The following RALYL variants were observed in gnomAD, a reference collection of about 807,000 sequenced individuals.
RALYL encodes RNA-binding Raly-like protein.
Under a neutral mutation model 35.1 loss-of-function variants are expected in RALYL, and 29 were observed. That is an observed-to-expected ratio of 0.83 (90% CI 0.61 to 1.13). RALYL has a LOEUF of 1.13. Among genes scored for constraint, RALYL ranks in the 50% most tolerant of loss-of-function variants. The probability of loss-of-function intolerance (pLI) is 0.00; values close to 1 mark genes in which losing one functional copy is unlikely to be tolerated. For missense variants in RALYL, 359 were observed against 360.4 expected (o/e 1.00, Z 0.03); for synonymous variants, 120 against 127.6 (o/e 0.94, Z 0.40).
At chr8:84,760,533 G>C (rs1812440420) in intron 2 of RALYL, among the ~76,000 whole-genome samples, 1 of 151,992 alleles carries the variant, frequency 6.6e-6, no homozygotes, top group East Asian at 1.9e-4. Context: ...TATTTCCACA[G>C]AATCTATCTC....
At chr8:84,652,550 A>G (rs919549280) in intron 2 of RALYL, among the ~76,000 whole-genome samples, 2 of 151,432 alleles carry the variant, frequency 1.3e-5, no homozygotes, top group Non-Finnish European at 2.9e-5. Flanking sequence ...CTGTGCTTAG[A>G]TCCCATTTTT....
chr8:84,437,673 G>C (rs2047890047), intron 1 of RALYL, among the ~76,000 whole-genome samples: 1 of 152,098 alleles, frequency 6.6e-6, no homozygotes, highest in Non-Finnish European at 1.5e-5. Context: ...AGTGCTGGAG[G>C]TGGGGCCAGG....
At position 84,475,448 on chromosome 8, in the gene RALYL, T is replaced by A. The variant is rs1277033251; in HGVS notation, c.-23-53851T>A. ...TTGCCCAGGCTGTTTAAACAACTTA[T>A]TTTTAGAGACATTTAAAAATATATA... On this transcript the variant is annotated intron_variant, in intron 1 of 8. Transcript: ENST00000521268. Among the ~76,000 whole-genome samples, 10 of 152,286 alleles carry A rather than the reference T, an allele frequency of 6.6e-5. No individual in the cohort carries two copies. In the East Asian group the frequency reaches 1.9e-3, roughly 29 times the overall value.
chr8:84,221,876 C>A (rs950296083), intron 1 of RALYL, among the ~76,000 whole-genome samples: 1 of 152,044 alleles, frequency 6.6e-6, no homozygotes, highest in African/African-American at 2.4e-5. Context: ...CTAGAGTCTG[C>A]TAGTCTAATT....
At chr8:84,439,052 A>T (rs1020353053) in intron 1 of RALYL, among the ~76,000 whole-genome samples, 1 of 151,424 alleles carries the variant, frequency 6.6e-6, no homozygotes, top group Non-Finnish European at 1.5e-5. Context: ...TTTGCTTAGG[A>T]TTGCTTTCGT....
chr8:84,241,046 A>G (rs999968633), intron 1 of RALYL, among the ~76,000 whole-genome samples: 2 of 152,018 alleles, frequency 1.3e-5, no homozygotes, highest in East Asian at 3.9e-4. Flanking sequence ...AAATATATAT[A>G]CTTATATATA....
chr8:84,629,148 T>C (rs1205606522), intron 2 of RALYL, among the ~76,000 whole-genome samples: 1 of 152,070 alleles, frequency 6.6e-6, no homozygotes, highest in Non-Finnish European at 1.5e-5. Context: ...CTGTTGTGCA[T>C]ATCACCTTCT....
intron 1 of RALYL, among the ~76,000 whole-genome samples, chr8:84,292,446 G>A (rs566329410): frequency 4.7e-4 from 71 of 152,230 alleles, no homozygotes; most frequent in African/African-American, 1.5e-3. Flanking sequence ...GTGAACCAGA[G>A]CAACTCCCTC....
At chr8:84,451,057 A>C (rs2049416851) in intron 1 of RALYL, among the ~76,000 whole-genome samples, 1 of 152,010 alleles carries the variant, frequency 6.6e-6, no homozygotes, top group Non-Finnish European at 1.5e-5. Flanking sequence ...ATTAAGTAAG[A>C]ATATTTCAAG....
intron 2 of RALYL, among the ~76,000 whole-genome samples, chr8:84,643,788 G>A (rs1478348117): frequency 2.6e-5 from 4 of 152,038 alleles, no homozygotes; most frequent in East Asian, 1.9e-4. Context: ...CACTTCATAC[G>A]TTAGGGATAG....
At chr8:84,247,474 G>A (rs1274975942) in intron 1 of RALYL, among the ~76,000 whole-genome samples, 1 of 150,902 alleles carries the variant, frequency 6.6e-6, no homozygotes, top group Admixed American at 6.6e-5. Context: ...CAAATATTAG[G>A]TTTTCTTGAA....
At chr8:84,543,539 A>AT (rs1262849939) in intron 2 of RALYL, among the ~76,000 whole-genome samples, 1 of 151,982 alleles carries the variant, frequency 6.6e-6, no homozygotes, top group East Asian at 1.9e-4. Context: ...GTTTCCTAGT[A>AT]TTTTCTAAAG....
chr8:84,341,472 C>A (rs1305634100), intron 1 of RALYL, among the ~76,000 whole-genome samples: 2 of 151,836 alleles, frequency 1.3e-5, no homozygotes, highest in Non-Finnish European at 2.9e-5. Context: ...GCCCCTGATA[C>A]ATAGTAAATA....
intron 2 of RALYL, among the ~76,000 whole-genome samples, chr8:84,759,893 T>A (rs1281535869): frequency 1.3e-5 from 2 of 152,176 alleles, no homozygotes; most frequent in South Asian, 2.1e-4. Context: ...AATATCTTTT[T>A]AAAAACATAG....
At chr8:84,563,801 A>G (rs2061609959) in intron 2 of RALYL, among the ~76,000 whole-genome samples, 3 of 151,716 alleles carry the variant, frequency 2.0e-5, no homozygotes. Flanking sequence ...TTTGGGGTTT[A>G]TGCTTTATTA....
At chr8:84,370,469 TAC>T (rs1161451894) in intron 1 of RALYL, among the ~76,000 whole-genome samples, 3 of 151,618 alleles carry the variant, frequency 2.0e-5, no homozygotes, top group Non-Finnish European at 4.4e-5. Flanking sequence ...TACACAACCA[TAC>T]ACACATAAAG....
intron 2 of RALYL, among the ~76,000 whole-genome samples, chr8:84,630,885 T>C (rs970680681): frequency 3.3e-5 from 5 of 151,956 alleles, no homozygotes; most frequent in African/African-American, 1.2e-4. Flanking sequence ...AAGAAAAACT[T>C]GCAAATTAGA....
chr8:84,769,071 T>A (rs189708977), intron 2 of RALYL, among the ~76,000 whole-genome samples: 17 of 152,346 alleles, frequency 1.1e-4, no homozygotes, highest in African/African-American at 4.1e-4. Context: ...GTTCATTTTA[T>A]GTCATTAAGT....
chr8:84,767,433 G>A lies in RALYL; in HGVS notation c.257-7146G>A, dbSNP rs114677854. Among the ~76,000 whole-genome samples the A allele has an allele frequency of 4.1e-3, 629 of 152,224 alleles. 5 individuals are homozygous for A. The highest frequency in any genetic ancestry group is 0.014 in the African/African-American group (591 of 41,554). On this transcript the variant is annotated intron_variant, in intron 2 of 8. Transcript: ENST00000521268. ...TAGCCCAACAGGATATTTTTCAATTGTTTGAACCTGAGGTTTAATATCAGA... is the reference window on the plus strand; with the variant it reads ...TAGCCCAACAGGATATTTTTCAATTATTTGAACCTGAGGTTTAATATCAGA...
Sources: gnomAD v4.1 joint callset for allele counts (sites outside exome capture counted in the v4.1 genomes callset) on GRCh38, gnomAD v4.1.1 for gene constraint, MANE v1.5 for transcripts, NCBI Gene and HGNC (gene_info 2026-07-23, HGNC 2026-07-21) for gene names.